The following NRP1 variants were observed in gnomAD, a reference collection of about 807,000 sequenced individuals.
NRP1 encodes neuropilin-1.
NRP1 carries 35 observed loss-of-function variants against 106.7 expected under a neutral mutation model. That is an observed-to-expected ratio of 0.33 (90% CI 0.25 to 0.43). The LOEUF is 0.43. Ranked by LOEUF, NRP1 falls within the 20% of genes least tolerant of loss-of-function variation. The pLI is 1.00. For synonymous variants in NRP1, 437 were observed against 417.9 expected (o/e 1.05, Z -0.56); for missense variants, 1,024 against 1,170.4 (o/e 0.87, Z 1.83).
intron 6 of NRP1, among the ~76,000 whole-genome samples, chr10:33,232,638 C>CTTTTTTTTTTT (rs71030049): frequency 1.1e-5 from 1 of 94,208 alleles, no homozygotes; most frequent in Non-Finnish European, 2.0e-5. Flanking sequence ...TTTTCTTTTC[C>CTTTTTTTTTTT]TTTTTTTTTT....
At chr10:33,288,779 T>C (rs1844772472) in intron 2 of NRP1, among the ~76,000 whole-genome samples, 1 of 152,214 alleles carries the variant, frequency 6.6e-6, no homozygotes, top group Non-Finnish European at 1.5e-5. Context: ...TTTCTTTTAC[T>C]CAATAACCTG....
chr10:33,317,700 AT>A (rs770551666), intron 2 of NRP1, among the ~76,000 whole-genome samples: 2 of 152,182 alleles, frequency 1.3e-5, no homozygotes, highest in East Asian at 1.9e-4. Context: ...TGAAAGAATA[AT>A]TTTTTTAAGT....
intron 6 of NRP1, among the ~76,000 whole-genome samples, chr10:33,239,143 T>C (rs1196812616): frequency 6.6e-6 from 1 of 151,858 alleles, no homozygotes; most frequent in Non-Finnish European, 1.5e-5. Context: ...ATAAGAAAAT[T>C]AGCCAGGTGT....
intron 2 of NRP1, among the ~76,000 whole-genome samples, chr10:33,328,953 G>A (rs1848079753): frequency 6.6e-6 from 1 of 152,010 alleles, no homozygotes; most frequent in Admixed American, 6.6e-5. Context: ...TTTATTTTTT[G>A]GAATAATGTT....
rs1273722046 is a variant in NRP1, at chr10:33,196,916, TA to T, written c.1924+733del. ...AGCTGGAAAACTGACCTGTTCACCT[TA>T]GTCTAATGATTAACTTTAAAGTATT... On this transcript the variant is annotated intron_variant, in intron 12 of 16. Coordinates refer to ENST00000374867, the MANE Select transcript of NRP1 (RefSeq NM_003873.7). Among the ~76,000 whole-genome samples the T allele has an allele frequency of 2.6e-5, 4 of 152,320 alleles. No individual in the cohort carries two copies. In the East Asian group the frequency reaches 7.7e-4, roughly 29 times the overall value.
chr10:33,262,107 CAGAT>C (rs2133232143), intron 4 of NRP1, among the ~76,000 whole-genome samples: 1 of 152,292 alleles, frequency 6.6e-6, no homozygotes, highest in South Asian at 2.1e-4. Context: ...CTCTGTTTTA[CAGAT>C]AGTTATACAT....
intron 4 of NRP1, among the ~76,000 whole-genome samples, chr10:33,257,554 G>A (rs1842282203): frequency 6.6e-6 from 1 of 152,282 alleles, no homozygotes; most frequent in South Asian, 2.1e-4. Flanking sequence ...AGACCCAGGA[G>A]GTGGAGGTTG....
chr10:33,208,859 T>C (rs1588726296), intron 9 of NRP1, among the ~76,000 whole-genome samples: 2 of 149,882 alleles, frequency 1.3e-5, no homozygotes, highest in East Asian at 2.0e-4. Flanking sequence ...ATCTCTAAGG[T>C]GAAAAAGAAA....
chr10:33,192,575 C>T (rs1331653756), intron 12 of NRP1, among the ~76,000 whole-genome samples, 157 bp from the exon 13 acceptor site: 2 of 152,092 alleles, frequency 1.3e-5, no homozygotes, highest in African/African-American at 4.8e-5. Flanking sequence ...ACCAAGAAAC[C>T]AAAAGATGCA....
At chr10:33,183,804 A>C (rs1422670694) in intron 15 of NRP1, among the ~76,000 whole-genome samples, 1 of 152,250 alleles carries the variant, frequency 6.6e-6, no homozygotes, top group African/African-American at 2.4e-5. Flanking sequence ...ATATTTGATG[A>C]ATCATTGTAC....
chr10:33,279,966 A>C (rs1191115138), intron 2 of NRP1, among the ~76,000 whole-genome samples: 1 of 152,198 alleles, frequency 6.6e-6, no homozygotes, highest in Non-Finnish European at 1.5e-5. Context: ...AAGCAGGATA[A>C]TGGATTGAGC....
intron 2 of NRP1, among the ~76,000 whole-genome samples, chr10:33,319,403 T>TA: frequency 6.6e-6 from 1 of 151,974 alleles, no homozygotes; most frequent in East Asian, 1.9e-4. Context: ...TAGAGGTTTG[T>TA]AAAATGGACC....
chr10:33,281,813 A>T (rs996018638), intron 2 of NRP1, among the ~76,000 whole-genome samples: 1 of 152,164 alleles, frequency 6.6e-6, no homozygotes, highest in Non-Finnish European at 1.5e-5. Flanking sequence ...TGAGGTTGGG[A>T]TATGGAGAGA....
intron 2 of NRP1, among the ~76,000 whole-genome samples, chr10:33,299,963 A>C (rs1845686776): frequency 6.6e-6 from 1 of 152,174 alleles, no homozygotes; most frequent in Non-Finnish European, 1.5e-5. Context: ...GGCTGTAAAA[A>C]ATTGACTTAG....
intron 2 of NRP1, among the ~76,000 whole-genome samples, chr10:33,295,413 G>T (rs970328183): frequency 1.3e-5 from 2 of 152,170 alleles, no homozygotes; most frequent in South Asian, 2.1e-4. Context: ...TCCATTAGAA[G>T]ATTTTCTTCC....
intron 2 of NRP1, among the ~76,000 whole-genome samples, chr10:33,304,838 C>T (rs1288661619): frequency 2.6e-5 from 4 of 152,206 alleles, no homozygotes; most frequent in East Asian, 1.9e-4. Context: ...CGCTGCTTTT[C>T]GAGGCAGTCT....
chr10:33,216,659 C>T (rs1404776166), intron 8 of NRP1, among the ~76,000 whole-genome samples: 1 of 150,504 alleles, frequency 6.6e-6, no homozygotes, highest in African/African-American at 2.4e-5. Flanking sequence ...CCAGGCTGCT[C>T]TCAAACTACT....
chr10:33,249,883 A>T (rs1841723395), intron 6 of NRP1, among the ~76,000 whole-genome samples: 1 of 149,794 alleles, frequency 6.7e-6, no homozygotes, highest in African/African-American at 2.4e-5. Context: ...TCATATCGAC[A>T]GTTAATGATG....
intron 6 of NRP1, among the ~76,000 whole-genome samples, chr10:33,235,428 C>T (rs1268476025): frequency 6.6e-6 from 1 of 152,236 alleles, no homozygotes; most frequent in Admixed American, 6.5e-5. Flanking sequence ...GTGATGGAAA[C>T]AGCATCAGGC....
Sources: allele counts gnomAD v4.1 joint callset (sites outside exome capture counted in the v4.1 genomes callset), GRCh38; gene constraint gnomAD v4.1.1; transcripts MANE v1.5; gene names NCBI Gene and HGNC (gene_info 2026-07-23, HGNC 2026-07-21).